The following ATP2C2 variants were observed in gnomAD, a reference collection of about 807,000 sequenced individuals.
The protein encoded by ATP2C2 is calcium-transporting ATPase type 2C member 2.
ATP2C2 carries 171 observed loss-of-function variants against 110.8 expected under a neutral mutation model. The ratio of observed to expected loss-of-function variants is 1.54; its 90% confidence interval spans 1.36 to 1.75. The LOEUF is 1.75. Among genes scored for constraint, ATP2C2 ranks in the 40% most tolerant of loss-of-function variants. The pLI is 0.00. For synonymous variants in ATP2C2, 804 were observed against 508.4 expected, an observed-to-expected ratio of 1.58 and a Z score of -7.82; for missense variants, 1,963 against 1,235.0, an observed-to-expected ratio of 1.59 and a Z score of -8.84.
chr16:84,444,612 C>A lies in ATP2C2; in HGVS notation c.1402-1717C>A, dbSNP rs978621731. On this transcript the variant is annotated intron_variant, in intron 15 of 26. Transcript: ENST00000262429. ...GCTGAGTCTGCCCCATTCAACAACT[C>A]CTCGCCGCCCAGAAGGGAAGGTGCC... 1.9e-4 allele frequency among the ~76,000 whole-genome samples: 29 copies of A among 152,350 alleles called. No homozygotes were observed. The East Asian group carries it at 4.6e-3, about 24-fold the overall frequency.
chr16:84,461,918 G>T, intron 25 of ATP2C2, 70 bp from the exon 26 acceptor site: 1 of 1,608,168 alleles, frequency 6.2e-7, no homozygotes, highest in South Asian at 1.1e-5. Flanking sequence ...AGCGTGGGCA[G>T]TCAGAGCTCC....
chr16:84,445,360 C>T (rs898966177), intron 15 of ATP2C2, among the ~76,000 whole-genome samples: 2 of 152,116 alleles, frequency 1.3e-5, no homozygotes, highest in African/African-American at 4.8e-5. Context: ...AGGCGCCTGC[C>T]ACCACGCCTG....
rs374025878 is a variant in ATP2C2, at chr16:84,454,956, C to G, written c.2119C>G (p.Leu707Val). 10 of 1,613,760 alleles carry G rather than the reference C, an allele frequency of 6.2e-6. No homozygotes were observed. Among genetic ancestry groups the G allele is most frequent in the Non-Finnish European group, 7.6e-6 (9 of 1,179,908 alleles). Reference sequence around the variant, plus strand: ...CAGCAAAGAGGCCGCCAACATGATCCTGGTGGATGATGACTTCTCAGCCAT... The same window carrying G: ...CAGCAAAGAGGCCGCCAACATGATCGTGGTGGATGATGACTTCTCAGCCAT... The part of the protein sequence containing the change: ...DVSKEAANMI[L>V]VDDDFSAIMN... Residue 707 changes from leucine to valine, a missense_variant, in exon 21 of 27, where the codon CTG (leucine) becomes GTG (valine). By Grantham distance (32) the Leu-to-Val change is conservative. Coordinates refer to ENST00000262429, the MANE Select transcript of ATP2C2 (RefSeq NM_014861.4).
intron 13 of ATP2C2, 47 bp from the exon 14 acceptor site, chr16:84,440,810 A>G (rs1439630724): frequency 4.1e-6 from 6 of 1,462,662 alleles, no homozygotes; most frequent in Non-Finnish European, 5.7e-6. Flanking sequence ...CTGGGGGAGC[A>G]TGTTTTTGAC....
intron 17 of ATP2C2, 72 bp downstream of exon 17, chr16:84,448,761 G>A (rs1000689125): frequency 1.0e-5 from 16 of 1,535,300 alleles, no homozygotes; most frequent in Non-Finnish European, 1.4e-5. Context: ...CATTCAAGCA[G>A]GGTCCCTAGT....
Position 84,463,830 on chromosome 16 carries a change from G to A in ATP2C2, c.*98G>A, listed in dbSNP as rs561299201. On this transcript the variant is annotated 3_prime_UTR_variant, in exon 27 of 27. Coordinates refer to ENST00000262429, the MANE Select transcript of ATP2C2 (RefSeq NM_014861.4). ...CGTCAGGGGAGACTTTTAGGAGGCCGCAGCCTTCCATCACCGGATCAGTTT... is the reference window on the plus strand; with the variant it reads ...CGTCAGGGGAGACTTTTAGGAGGCCACAGCCTTCCATCACCGGATCAGTTT... The A allele has an allele frequency of 4.1e-5, 44 of 1,074,552 alleles. No individual in the cohort carries two copies. Among genetic ancestry groups the A allele is most frequent in the East Asian group, 1.9e-4 (8 of 41,674 alleles). The allele number at this position is 1,074,552 out of a possible 1,614,324, so 66.6% of individuals were successfully genotyped here.
At position 84,452,002 on chromosome 16, in the gene ATP2C2, G is replaced by C; in HGVS notation, c.1742G>C (p.Gly581Ala). 2.5e-6 allele frequency: 4 copies of C among 1,613,964 alleles called. No homozygotes were observed. Among genetic ancestry groups the C allele is most frequent in the Admixed American group, 1.7e-5 (1 of 60,002 alleles). ...LVGIIDPPRVGVKEAVQVLSE... is the reference protein window; with the variant it reads ...LVGIIDPPRVAVKEAVQVLSE... ...GGCATCATTGACCCCCCGAGAGTTGGCGTGAAGGAAGCAGTCCAGGTTCTC... is the reference window on the plus strand; with the variant it reads ...GGCATCATTGACCCCCCGAGAGTTGCCGTGAAGGAAGCAGTCCAGGTTCTC... Residue 581 changes from glycine (G) to alanine (A), a missense_variant, in exon 18 of 27, where the codon GGC becomes GCC. Coordinates refer to ENST00000262429, the MANE Select transcript of ATP2C2 (RefSeq NM_014861.4).
intron 11 of ATP2C2, among the ~76,000 whole-genome samples, chr16:84,427,132 C>T (rs545850544): frequency 8.3e-4 from 127 of 152,272 alleles, no homozygotes; most frequent in South Asian, 4.8e-3. Context: ...GTAACGCACA[C>T]GCAGCTGCTG....
At chr16:84,384,567 C>T (rs140667666) in intron 1 of ATP2C2, among the ~76,000 whole-genome samples, 400 of 152,264 alleles carry the variant, frequency 2.6e-3, no homozygotes, top group Middle Eastern at 6.8e-3. Flanking sequence ...TACTTTCTCC[C>T]TTGTAATGAT....
At chr16:84,399,932 G>C (rs778747980) in intron 2 of ATP2C2, among the ~76,000 whole-genome samples, 5 of 152,084 alleles carry the variant, frequency 3.3e-5, no homozygotes, top group African/African-American at 4.8e-5. Context: ...TCCAGGCCCT[G>C]GTAACCATCC....
rs1909041351 is a variant in ATP2C2, at chr16:84,439,422, ACC to A, written c.1112-4_1112-3del. ...TCTTCTATAAACTGGTGTTTGTTGT[ACC>A]AGGTTGCTGCAGCGTTCTCTGTTCT... On this transcript the variant is annotated splice_polypyrimidine_tract_variant and splice_region_variant and intron_variant, in intron 12 of 26. Coordinates refer to ENST00000262429, the MANE Select transcript of ATP2C2 (RefSeq NM_014861.4). 1.9e-6 allele frequency: 3 copies of A among 1,613,952 alleles called. No homozygotes were observed. The highest frequency in any genetic ancestry group is 2.5e-6 in the Non-Finnish European group (3 of 1,179,994).
At chr16:84,422,366 A>G in intron 7 of ATP2C2, 24 bp from the exon 8 acceptor site, 1 of 1,605,546 alleles carries the variant, frequency 6.2e-7, no homozygotes, top group Non-Finnish European at 8.5e-7. Context: ...GAGATTCCAC[A>G]GCCTTTTCCC....
chr16:84,439,833 GGTTT>G (rs943871293), intron 13 of ATP2C2, among the ~76,000 whole-genome samples: 12 of 152,076 alleles, frequency 7.9e-5, no homozygotes, highest in South Asian at 2.1e-4. Context: ...GTCCATTTGT[GGTTT>G]GTTTGTTTGT....
intron 1 of ATP2C2, among the ~76,000 whole-genome samples, chr16:84,396,549 C>CAAA (rs57290176): frequency 1.2e-4 from 9 of 74,784 alleles, no homozygotes; most frequent in East Asian, 1.2e-3. Context: ...GGCTCTATCT[C>CAAA]AAAAAAAAAA....
intron 2 of ATP2C2, chr16:84,404,412 T>C (rs1406721410): frequency 1.2e-5 from 2 of 161,774 alleles, no homozygotes; most frequent in African/African-American, 2.4e-5. Flanking sequence ...GACTAGTCTA[T>C]GTAATTCATA....
intron 4 of ATP2C2, 23 bp from the exon 5 acceptor site, chr16:84,410,545 A>G (rs761506775): frequency 6.2e-7 from 1 of 1,612,936 alleles, no homozygotes; most frequent in Non-Finnish European, 8.5e-7. Context: ...TGGTACTGAC[A>G]CCCTCCTCCG....
chr16:84,383,834 C>T (rs1406185306), intron 1 of ATP2C2, among the ~76,000 whole-genome samples: 5 of 147,360 alleles, frequency 3.4e-5, no homozygotes, highest in East Asian at 2.0e-4. Flanking sequence ...TCTTTTCACC[C>T]GGCTGAGAGC....
intron 4 of ATP2C2, among the ~76,000 whole-genome samples, chr16:84,408,979 C>T (rs1771298963): frequency 6.6e-6 from 1 of 152,250 alleles, no homozygotes; most frequent in Non-Finnish European, 1.5e-5. Flanking sequence ...AGTTCCAAAA[C>T]ATTTTCATCA....
chr16:84,386,680 TC>T (rs1240809442), intron 1 of ATP2C2, among the ~76,000 whole-genome samples: 1 of 152,132 alleles, frequency 6.6e-6, no homozygotes, highest in Non-Finnish European at 1.5e-5. Context: ...CTGGAAAACA[TC>T]TCTGAAGCCC....
Sources: gnomAD v4.1 joint callset for allele counts (sites outside exome capture counted in the v4.1 genomes callset) on GRCh38, gnomAD v4.1.1 for gene constraint, MANE v1.5 for transcripts, NCBI Gene and HGNC (gene_info 2026-07-23, HGNC 2026-07-21) for gene names.